The following METTL6 variants were observed in gnomAD, a reference collection of about 807,000 sequenced individuals.
METTL6 encodes the protein methyltransferase 6, tRNA N3-cytidine.
In METTL6, 22 loss-of-function variants were observed where a neutral mutation model predicts 26.4. The observed-to-expected ratio is 0.83, with a 90% CI of 0.59 to 1.19. The LOEUF is 1.19. Among genes scored for constraint, METTL6 ranks in the 50% most tolerant of loss-of-function variants. The pLI, the probability that METTL6 is intolerant of heterozygous loss-of-function variation, is 0.00. For synonymous variants in METTL6, 109 were observed against 116.2 expected, an observed-to-expected ratio of 0.94 and a Z score of 0.40; for missense variants, 304 against 324.8, an observed-to-expected ratio of 0.94 and a Z score of 0.49.
chr3:15,392,769 CTT>C (rs1373600796), intron 6 of METTL6, among the ~76,000 whole-genome samples: 4 of 152,290 alleles, frequency 2.6e-5, no homozygotes, highest in Admixed American at 2.6e-4. Context: ...TATCCCATTT[CTT>C]GTTTTTGTCA....
In METTL6 at chr3:15,425,078, T is replaced by C. The variant is rs752887947; in HGVS notation, c.237A>G (p.Gln79=). The C allele has an allele frequency of 2.2e-5, 35 of 1,613,992 alleles. No homozygotes were observed. In the South Asian group the frequency reaches 3.6e-4, roughly 17 times the overall value. ...ELRSCREFED[Q]KLTMLEAGCG... ...AGCCAGCTTCAAGCATTGTTAACTT[T>C]TGATCTTCAAACTGGGGAAAGACAG... Residue 79 remains glutamine (Q), a synonymous_variant, in exon 3 of 6, where the codon CAA becomes CAG. Transcript: ENST00000383790.
At chr3:15,413,757 T>G in intron 5 of METTL6, 1 of 1,401,152 alleles carries the variant, frequency 7.1e-7, no homozygotes, top group African/African-American at 1.4e-5. Flanking sequence ...TAGTAGGGAA[T>G]CCACATGGCA....
chr3:15,422,966 G>A (rs143257953), intron 3 of METTL6, among the ~76,000 whole-genome samples: 145 of 152,236 alleles, frequency 9.5e-4, no homozygotes, highest in Non-Finnish European at 1.6e-3. Flanking sequence ...AGAACATAGA[G>A]GAATAAATTA....
intron 6 of METTL6, among the ~76,000 whole-genome samples, chr3:15,390,976 G>C (rs1289986429): frequency 6.6e-6 from 1 of 152,296 alleles, no homozygotes; most frequent in Admixed American, 6.5e-5. Flanking sequence ...GGCTCTCAGC[G>C]GGATGGGGAG....
intron 5 of METTL6, among the ~76,000 whole-genome samples, chr3:15,412,023 C>T (rs1699990940): frequency 6.6e-6 from 1 of 152,118 alleles, no homozygotes; most frequent in South Asian, 2.1e-4. Context: ...TCTTGGCCTC[C>T]CAAAGTGCTG....
At chr3:15,393,431 G>A (rs966046090) in intron 6 of METTL6, among the ~76,000 whole-genome samples, 1 of 152,172 alleles carries the variant, frequency 6.6e-6, no homozygotes, top group African/African-American at 2.4e-5. Context: ...ATACAATCAT[G>A]TCATCTGCAG....
At chr3:15,414,567 C>G (rs969810587) in intron 4 of METTL6, 3 of 272,882 alleles carry the variant, frequency 1.1e-5, no homozygotes, top group Non-Finnish European at 2.1e-5. Context: ...GTTGGCCAGG[C>G]TAGTCTCGAA....
intron 6 of METTL6, among the ~76,000 whole-genome samples, chr3:15,392,001 T>C (rs1252483064): frequency 6.6e-6 from 1 of 152,196 alleles, no homozygotes; most frequent in Non-Finnish European, 1.5e-5. Context: ...TATAATCCTT[T>C]GGGTATATAC....
downstream of METTL6, among the ~76,000 whole-genome samples, chr3:15,409,758 GA>G (rs1408898176): frequency 6.6e-6 from 1 of 152,232 alleles, no homozygotes; most frequent in African/African-American, 2.4e-5. Flanking sequence ...TGGAGCCATG[GA>G]GGGTTCTTGA....
rs561476133 is a variant in METTL6 at position 15,409,957 on chromosome 3, C to G, written c.*1299G>C. Among the ~76,000 whole-genome samples the G allele has an allele frequency of 2.7e-4, 41 of 152,240 alleles. No individual in the cohort carries two copies. Among genetic ancestry groups the G allele is most frequent in the African/African-American group, 9.9e-4 (41 of 41,542 alleles). ...TGGCCTCATTTTTCCCCATGGTTGT[C>G]TGACATGTTGCCTGGGGGAACACTT... On this transcript the variant is annotated 3_prime_UTR_variant, in exon 6 of 6. Coordinates refer to ENST00000383790, the MANE Select transcript of METTL6 (RefSeq NM_152396.4).
intron 6 of METTL6, among the ~76,000 whole-genome samples, chr3:15,398,933 C>T (rs1453370131): frequency 6.6e-6 from 1 of 152,056 alleles, no homozygotes; most frequent in Non-Finnish European, 1.5e-5. Flanking sequence ...TAGGTCAGCA[C>T]AATGTACAGG....
At chr3:15,394,074 A>T (rs1240143479) in intron 6 of METTL6, among the ~76,000 whole-genome samples, 1 of 152,228 alleles carries the variant, frequency 6.6e-6, no homozygotes, top group Non-Finnish European at 1.5e-5. Flanking sequence ...AAGGAATGGT[A>T]CCAGCTCCTC....
chr3:15,406,783 C>T (rs1280823716), downstream of METTL6, among the ~76,000 whole-genome samples: 1 of 150,954 alleles, frequency 6.6e-6, no homozygotes, highest in African/African-American at 2.4e-5. Flanking sequence ...CTAAAGGCAC[C>T]ATGCCTAGCT....
At position 15,384,148 on chromosome 3, in the gene METTL6, T is replaced by C. The variant is rs561333514; in HGVS notation, c.*51A>G. On this transcript the variant is annotated 3_prime_UTR_variant, in exon 7 of 7. Transcript: ENST00000443029. ...TATAATACAAAAGCACAGCCAGATATCCTACAAAGAATCCCAGGTTCCAGA... is the reference window on the plus strand; with the variant it reads ...TATAATACAAAAGCACAGCCAGATACCCTACAAAGAATCCCAGGTTCCAGA... The C allele has an allele frequency of 6.0e-5, 24 of 396,894 alleles. No individual in the cohort carries two copies. In the East Asian group the frequency reaches 2.3e-3, roughly 38 times the overall value. The allele number at this position is 396,894 out of a possible 1,614,324, so 24.6% of individuals were successfully genotyped here.
At chr3:15,414,318 TAGTA>T in intron 4 of METTL6, 156 bp from the exon 5 acceptor site, 2 of 1,421,196 alleles carry the variant, frequency 1.4e-6, no homozygotes, top group Non-Finnish European at 1.8e-6. Context: ...CTTAAAAAGA[TAGTA>T]AGACCAGGCA....
chr3:15,411,558 G>A (rs1699965551), intron 5 of METTL6, 121 bp from the exon 6 acceptor site: 10 of 969,704 alleles, frequency 1.0e-5, no homozygotes, highest in Middle Eastern at 2.7e-4. Flanking sequence ...AAACCTCAAT[G>A]CTAAAATTTA....
chr3:15,406,114 T>A, downstream of METTL6, among the ~76,000 whole-genome samples: 1 of 152,008 alleles, frequency 6.6e-6, no homozygotes, highest in South Asian at 2.1e-4. Context: ...TATTTTAATA[T>A]AATATAGTAT....
At chr3:15,427,235 GATCC>G (rs2061747277) in intron 1 of METTL6, 163 bp downstream of exon 1, 1 of 157,932 alleles carries the variant, frequency 6.3e-6, no homozygotes, top group African/African-American at 2.4e-5. Flanking sequence ...AGGTCCCGAG[GATCC>G]ATCTCAGGAC....
intron 6 of METTL6, among the ~76,000 whole-genome samples, chr3:15,397,854 A>G (rs916757935): frequency 6.6e-6 from 1 of 152,156 alleles, no homozygotes; most frequent in African/African-American, 2.4e-5. Context: ...TTCAGATAAC[A>G]TCACTACTGT....
Sources: gnomAD v4.1 joint callset for allele counts (sites outside exome capture counted in the v4.1 genomes callset) on GRCh38, gnomAD v4.1.1 for gene constraint, MANE v1.5 for transcripts, NCBI Gene and HGNC (gene_info 2026-07-23, HGNC 2026-07-21) for gene names.